The following PDE10A variants were observed in gnomAD, a reference collection of about 807,000 sequenced individuals.
PDE10A encodes the protein phosphodiesterase 10A.
In PDE10A, 39 loss-of-function variants were observed where a neutral mutation model predicts 97.7. The observed-to-expected ratio is 0.40, with a 90% CI of 0.31 to 0.52. The LOEUF (loss-of-function observed/expected upper bound fraction) is 0.52. PDE10A is among the 20% of genes least tolerant of loss of function. PDE10A has a pLI of 0.56. For missense variants in PDE10A, 731 were observed against 1,047.8 expected, an observed-to-expected ratio of 0.70 and a Z score of 4.17; for synonymous variants, 371 against 376.8, an observed-to-expected ratio of 0.98 and a Z score of 0.18.
At chr6:165,405,195 C>A (rs181489522) in intron 13 of PDE10A, among the ~76,000 whole-genome samples, 1 of 152,274 alleles carries the variant, frequency 6.6e-6, no homozygotes, top group East Asian at 1.9e-4. Flanking sequence ...CCCAAATGCA[C>A]CTCAGCGTAT....
intron 2 of PDE10A, among the ~76,000 whole-genome samples, chr6:165,533,493 G>C (rs1027433216): frequency 6.6e-6 from 1 of 152,092 alleles, no homozygotes; most frequent in Non-Finnish European, 1.5e-5. Flanking sequence ...GAAAAGATAT[G>C]GCATTACAGT....
intron 1 of PDE10A, among the ~76,000 whole-genome samples, chr6:165,573,616 C>T (rs976780079): frequency 7.2e-5 from 11 of 152,124 alleles, no homozygotes; most frequent in Non-Finnish European, 1.6e-4. Flanking sequence ...AATTCAAAGC[C>T]TTATAAGTGG....
rs559937381 is a variant in PDE10A, at chr6:165,726,795, G to A, written c.-614-183227C>T. Reference sequence around the variant, plus strand: ...GGTTCTCCCTCGCGGGATCGAACCCGCAGTTCAGCGTCTTAACCAGCCCAG... The same window carrying A: ...GGTTCTCCCTCGCGGGATCGAACCCACAGTTCAGCGTCTTAACCAGCCCAG... On this transcript the variant is annotated intron_variant, in intron 1 of 19. Coordinates refer to the PDE10A transcript ENST00000366882. 2.8e-4 allele frequency among the ~76,000 whole-genome samples: 40 copies of A among 144,130 alleles called. No individual in the cohort carries two copies. In the South Asian group the frequency reaches 7.9e-3, roughly 28 times the overall value. 94.6% of individuals were successfully genotyped at this position (144,130 alleles called of 152,430 possible).
intron 1 of PDE10A, among the ~76,000 whole-genome samples, chr6:165,901,434 A>T (rs1782102752): frequency 6.6e-6 from 1 of 152,186 alleles, no homozygotes; most frequent in African/African-American, 2.4e-5. Context: ...CCAGGTCCTC[A>T]TCAGGGCTCC....
chr6:165,560,994 C>T (rs371170274), intron 1 of PDE10A, among the ~76,000 whole-genome samples: 7 of 152,010 alleles, frequency 4.6e-5, no homozygotes, highest in African/African-American at 1.2e-4. Flanking sequence ...TTGAGGCGGG[C>T]GGATCACGAG....
At chr6:165,917,636 T>C (rs1201247344) in intron 1 of PDE10A, among the ~76,000 whole-genome samples, 1 of 151,874 alleles carries the variant, frequency 6.6e-6, no homozygotes, top group Non-Finnish European at 1.5e-5. Context: ...ATTAACTGAA[T>C]AAAGTAAAAG....
chr6:165,802,223 C>T (rs549808688), intron 1 of PDE10A, among the ~76,000 whole-genome samples: 3 of 152,286 alleles, frequency 2.0e-5, no homozygotes, highest in Non-Finnish European at 2.9e-5. Context: ...TATCCATTTG[C>T]ACACTCCAGT....
chr6:165,726,731 G>A (rs943136431), intron 1 of PDE10A, among the ~76,000 whole-genome samples: 4 of 152,184 alleles, frequency 2.6e-5, no homozygotes, highest in African/African-American at 9.6e-5. Context: ...GGCCCTCCCC[G>A]GCCATCTGCG....
chr6:165,448,778 T>C, intron 5 of PDE10A, 150 bp downstream of exon 5: 1 of 542,814 alleles, frequency 1.8e-6, no homozygotes, highest in Middle Eastern at 5.0e-4. Context: ...GTAAAATTCT[T>C]GACTGGTAAT....
At chr6:165,715,642 A>C (rs1249757134) in intron 1 of PDE10A, among the ~76,000 whole-genome samples, 1 of 152,188 alleles carries the variant, frequency 6.6e-6, no homozygotes, top group African/African-American at 2.4e-5. Flanking sequence ...ACGTGCGCAC[A>C]CACACAGACT....
chr6:165,484,936 T>C (rs749438418), intron 2 of PDE10A, among the ~76,000 whole-genome samples: 5 of 152,134 alleles, frequency 3.3e-5, no homozygotes, highest in Admixed American at 1.3e-4. Flanking sequence ...CAAACATCAC[T>C]GTAGAGCTTC....
intron 1 of PDE10A, among the ~76,000 whole-genome samples, chr6:165,924,709 A>G (rs1402544413): frequency 3.3e-5 from 5 of 152,246 alleles, no homozygotes; most frequent in Non-Finnish European, 5.9e-5. Flanking sequence ...CTATCCAAGC[A>G]TCCTTATGCA....
At chr6:165,715,659 G>A (rs548951287) in intron 1 of PDE10A, among the ~76,000 whole-genome samples, 39 of 152,302 alleles carry the variant, frequency 2.6e-4, no homozygotes, top group African/African-American at 9.1e-4. Flanking sequence ...GACTCTCTCA[G>A]TGTGTGAGGG....
chr6:165,530,482 C>T (rs1782708083), intron 2 of PDE10A, among the ~76,000 whole-genome samples: 1 of 152,024 alleles, frequency 6.6e-6, no homozygotes, highest in African/African-American at 2.4e-5. Flanking sequence ...ATGACATGAA[C>T]AGAAAAACTA....
chr6:165,554,870 A>C (rs1254273275), intron 1 of PDE10A, among the ~76,000 whole-genome samples: 2 of 152,230 alleles, frequency 1.3e-5, no homozygotes, highest in Non-Finnish European at 2.9e-5. Context: ...TTGCAACAAC[A>C]TGGATGGAAC....
chr6:165,693,897 A>G (rs1791375593), intron 1 of PDE10A, among the ~76,000 whole-genome samples: 1 of 152,194 alleles, frequency 6.6e-6, no homozygotes, highest in South Asian at 2.1e-4. Flanking sequence ...ATAAATGCTC[A>G]TACACAGTTT....
intron 18 of PDE10A, among the ~76,000 whole-genome samples, chr6:165,368,262 C>T (rs1783956880): frequency 6.6e-6 from 1 of 152,228 alleles, no homozygotes; most frequent in African/African-American, 2.4e-5. Flanking sequence ...TCCCAAAGTG[C>T]TGGGATTAAA....
At chr6:165,769,004 A>G (rs573854700) in intron 1 of PDE10A, among the ~76,000 whole-genome samples, 1 of 152,346 alleles carries the variant, frequency 6.6e-6, no homozygotes, top group Admixed American at 6.5e-5. Context: ...TCTATATTCT[A>G]TTCTACAGAG....
chr6:165,337,380 G>A (rs1042012915), intron 20 of PDE10A, among the ~76,000 whole-genome samples: 13 of 152,184 alleles, frequency 8.5e-5, no homozygotes, highest in African/African-American at 2.9e-4. Flanking sequence ...TCAGTGATAT[G>A]CATCGAAGCA....
Sources: allele counts gnomAD v4.1 joint callset (sites outside exome capture counted in the v4.1 genomes callset), GRCh38; gene constraint gnomAD v4.1.1; transcripts MANE v1.5; gene names NCBI Gene and HGNC (gene_info 2026-07-23, HGNC 2026-07-21).